WWOX: variants seen among roughly 807,000 people sequenced by gnomAD.
The protein encoded by WWOX is WW domain containing oxidoreductase.
WWOX carries 69 observed loss-of-function variants against 46.2 expected under a neutral mutation model. The ratio of observed to expected loss-of-function variants is 1.49; its 90% CI spans 1.23 to 1.82. The LOEUF (loss-of-function observed/expected upper bound fraction) is 1.82. Ranked by LOEUF, WWOX falls within the 40% of genes most tolerant of loss-of-function variation. The pLI is 0.00. For synonymous variants in WWOX, 359 were observed against 202.6 expected (o/e 1.77, Z -6.56); for missense variants, 919 against 542.6 (o/e 1.69, Z -6.89).
chr16:79,100,395 T>C (rs1224853281), intron 8 of WWOX, among the ~76,000 whole-genome samples: 1 of 152,200 alleles, frequency 6.6e-6, no homozygotes, highest in Non-Finnish European at 1.5e-5. Context: ...AGCCCTGGGT[T>C]TAAGCCAATA....
intron 8 of WWOX, among the ~76,000 whole-genome samples, chr16:78,787,962 C>G (rs1373461882): frequency 6.6e-6 from 1 of 152,064 alleles, no homozygotes; most frequent in Non-Finnish European, 1.5e-5. Context: ...AATGTTGATT[C>G]AAGTCCTTTG....
At position 78,348,438 on chromosome 16, in the gene WWOX, G is replaced by A. The variant is rs940239725; in HGVS notation, c.517-38422G>A. ...AAAAGATCATAGAGCCAAAGAGCTC[G>A]ATACATATACTGATGCGGTGTTTAT... On this transcript the variant is annotated intron_variant, in intron 5 of 8. Transcript: ENST00000566780. Among the ~76,000 whole-genome samples the A allele has an allele frequency of 3.3e-5, 4 of 121,024 alleles. 1 individual carries two copies. The highest frequency in any genetic ancestry group is 1.9e-4 in the East Asian group (1 of 5,172). 79.4% of individuals were successfully genotyped at this position (121,024 alleles called of 152,430 possible).
At chr16:79,014,829 T>C (rs528567855) in intron 8 of WWOX, among the ~76,000 whole-genome samples, 9 of 152,346 alleles carry the variant, frequency 5.9e-5, no homozygotes, top group East Asian at 5.8e-4. Context: ...GTTCAACTTA[T>C]ATTTATCTGA....
chr16:79,169,982 C>T (rs576445406), intron 8 of WWOX, among the ~76,000 whole-genome samples: 57 of 152,276 alleles, frequency 3.7e-4, no homozygotes, highest in African/African-American at 1.3e-3. Flanking sequence ...TGGGTGCTCT[C>T]CTGCAGGGCA....
intron 8 of WWOX, among the ~76,000 whole-genome samples, chr16:78,914,399 A>G (rs973797654): frequency 1.3e-5 from 2 of 152,076 alleles, no homozygotes; most frequent in Non-Finnish European, 2.9e-5. Flanking sequence ...TGAGTGAATG[A>G]GGGAGTGAAT....
At chr16:78,144,295 T>C (rs1418772644) in intron 4 of WWOX, among the ~76,000 whole-genome samples, 3 of 150,470 alleles carry the variant, frequency 2.0e-5, no homozygotes, top group Non-Finnish European at 4.4e-5. Flanking sequence ...TACAAATTTT[T>C]AGGTTTCCAT....
At chr16:78,734,841 CTTTTTTTTTTTTTTTTTTTTTT>C (rs60560119) in intron 8 of WWOX, among the ~76,000 whole-genome samples, 630 of 40,120 alleles carry the variant, frequency 0.016, 17 homozygotes, top group Middle Eastern at 0.043. Context: ...GACTTCAGTC[CTTTTTTTTTTTTTTTTTTTTTT>C]TTTTTTTTTT....
chr16:78,703,558 G>C (rs1028793515), intron 8 of WWOX, among the ~76,000 whole-genome samples: 5 of 152,096 alleles, frequency 3.3e-5, no homozygotes, highest in Non-Finnish European at 7.4e-5. Context: ...GTTTGAGGCT[G>C]TAGTGAGCCC....
chr16:78,943,531 A>G (rs2045893027), intron 8 of WWOX, among the ~76,000 whole-genome samples: 1 of 152,212 alleles, frequency 6.6e-6, no homozygotes, highest in South Asian at 2.1e-4. Flanking sequence ...GAGCTTTATC[A>G]GAGCAGCCTT....
At chr16:78,794,920 C>G (rs887621799) in intron 8 of WWOX, among the ~76,000 whole-genome samples, 2 of 152,212 alleles carry the variant, frequency 1.3e-5, no homozygotes, top group East Asian at 1.9e-4. Flanking sequence ...AGCCCTGTGC[C>G]TGGCATACTG....
chr16:78,588,913 G>A (rs868101455), intron 8 of WWOX, among the ~76,000 whole-genome samples: 45 of 152,304 alleles, frequency 3.0e-4, no homozygotes, highest in African/African-American at 1.1e-3. Flanking sequence ...GAACTTCTCA[G>A]GAAGAAGTGG....
intron 8 of WWOX, among the ~76,000 whole-genome samples, chr16:78,963,999 C>G (rs2046320541): frequency 1.3e-5 from 2 of 152,154 alleles, no homozygotes; most frequent in East Asian, 1.9e-4. Context: ...TAAGAAGTGC[C>G]TTTCACCTCC....
At chr16:78,499,086 A>T (rs544477281) in intron 8 of WWOX, among the ~76,000 whole-genome samples, 47 of 152,310 alleles carry the variant, frequency 3.1e-4, no homozygotes, top group African/African-American at 1.1e-3. Flanking sequence ...TCAATAATTA[A>T]CTGAGTTTGA....
At chr16:79,066,184 C>T (rs939599542) in intron 8 of WWOX, among the ~76,000 whole-genome samples, 2 of 152,158 alleles carry the variant, frequency 1.3e-5, no homozygotes, top group Non-Finnish European at 2.9e-5. Flanking sequence ...TAAATCACTC[C>T]CCTCCCTCCA....
chr16:78,654,034 A>G (rs911703174), intron 8 of WWOX, among the ~76,000 whole-genome samples: 2 of 152,232 alleles, frequency 1.3e-5, no homozygotes, highest in African/African-American at 4.8e-5. Context: ...AACCCCAACT[A>G]TTGCAGAAAT....
At chr16:78,646,131 T>C (rs1171477464) in intron 8 of WWOX, among the ~76,000 whole-genome samples, 1 of 152,218 alleles carries the variant, frequency 6.6e-6, no homozygotes, top group East Asian at 1.9e-4. Flanking sequence ...CCATCTGCCA[T>C]GCCAAATAAC....
chr16:78,759,833 G>A (rs555134580), intron 8 of WWOX, among the ~76,000 whole-genome samples: 1 of 152,146 alleles, frequency 6.6e-6, no homozygotes, highest in Non-Finnish European at 1.5e-5. Context: ...CAAAATGTTG[G>A]CAGGCCTTAG....
At position 78,118,544 on chromosome 16, in the gene WWOX, C is replaced by G. The variant is rs142126590; in HGVS notation, c.409+3390C>G. Among the ~76,000 whole-genome samples the G allele has an allele frequency of 5.8e-3, 878 of 152,208 alleles. 5 individuals are homozygous for G. The highest frequency in any genetic ancestry group is 0.024 in the Middle Eastern group (7 of 294). ...GGAACACAGCCATGCCCATTTATTC[C>G]CATTCCTATAATGTTGAACTACTGT... On this transcript the variant is annotated intron_variant, in intron 4 of 8. Transcript: ENST00000566780.
intron 8 of WWOX, among the ~76,000 whole-genome samples, chr16:79,185,967 C>CGTGT (rs113299262): frequency 2.7e-5 from 4 of 149,664 alleles, no homozygotes; most frequent in South Asian, 2.1e-4. Context: ...TGTGTGCATG[C>CGTGT]GTGTGTGTGT....
Sources: gnomAD v4.1 joint callset for allele counts (sites outside exome capture counted in the v4.1 genomes callset) on GRCh38, gnomAD v4.1.1 for gene constraint, MANE v1.5 for transcripts, NCBI Gene and HGNC (gene_info 2026-07-23, HGNC 2026-07-21) for gene names.